Variants in HECW2 observed in about 807,000 individuals in gnomAD.
HECW2 encodes the protein E3 ubiquitin-protein ligase HECW2.
Under a neutral mutation model 175.2 loss-of-function variants are expected in HECW2, and 61 were observed. That is an observed-to-expected ratio of 0.35 (90% CI 0.28 to 0.43). The LOEUF (loss-of-function observed/expected upper bound fraction) is 0.43, where lower values mean the gene tolerates loss of function less well. Ranked by LOEUF, HECW2 falls within the 20% of genes least tolerant of loss-of-function variation. HECW2 has a pLI of 1.00. For synonymous variants in HECW2, 671 were observed against 731.0 expected (o/e 0.92, Z 1.32); for missense variants, 1,524 against 2,000.5 (o/e 0.76, Z 4.54).
chr2:196,575,080 C>CAAAAAAAAAA (rs1164886570), intron 1 of HECW2, among the ~76,000 whole-genome samples: 1 of 29,854 alleles, frequency 3.3e-5, no homozygotes, highest in African/African-American at 1.6e-4. Flanking sequence ...GGCCTTGTCT[C>CAAAAAAAAAA]AAAAAAAAAA....
At chr2:196,206,112 G>C (rs922308783) in intron 28 of HECW2, among the ~76,000 whole-genome samples, 2 of 152,172 alleles carry the variant, frequency 1.3e-5, no homozygotes, top group African/African-American at 4.8e-5. Context: ...GAGGGCCCTG[G>C]ACTGTGTTGA....
At chr2:196,333,720 A>C (rs1403668298) in intron 4 of HECW2, among the ~76,000 whole-genome samples, 2 of 152,214 alleles carry the variant, frequency 1.3e-5, no homozygotes, top group Non-Finnish European at 2.9e-5. Context: ...TTAGATTCTA[A>C]AATAAAATTT....
At chr2:196,543,596 TA>T (rs767527202) in intron 1 of HECW2, among the ~76,000 whole-genome samples, 1 of 152,122 alleles carries the variant, frequency 6.6e-6, no homozygotes, top group Non-Finnish European at 1.5e-5. Context: ...AGGCATGGTT[TA>T]AAAACTTTTC....
At chr2:196,309,385 T>A (rs149761971) in intron 10 of HECW2, among the ~76,000 whole-genome samples, 43 of 152,244 alleles carry the variant, frequency 2.8e-4, no homozygotes, top group African/African-American at 1.0e-3. Flanking sequence ...TGTTCCAAGG[T>A]AACACAGACT....
At chr2:196,422,524 G>A (rs1425313311) in intron 2 of HECW2, among the ~76,000 whole-genome samples, 1 of 151,932 alleles carries the variant, frequency 6.6e-6, no homozygotes, top group African/African-American at 2.4e-5. Context: ...AATAAAGAAG[G>A]TGATGAGCCT....
At chr2:196,446,432 T>A (rs1479145202) in intron 1 of HECW2, among the ~76,000 whole-genome samples, 1 of 152,126 alleles carries the variant, frequency 6.6e-6, no homozygotes, top group African/African-American at 2.4e-5. Flanking sequence ...GTTTATTGCA[T>A]CTCCTCCCCC....
chr2:196,265,771 A>T (rs1689489416), intron 17 of HECW2, among the ~76,000 whole-genome samples: 1 of 152,218 alleles, frequency 6.6e-6, no homozygotes, highest in Admixed American at 6.5e-5. Context: ...ATCTTCAAAA[A>T]GATGCTGGAA....
intron 1 of HECW2, among the ~76,000 whole-genome samples, chr2:196,484,136 T>C (rs928023196): frequency 1.3e-5 from 2 of 152,174 alleles, no homozygotes; most frequent in African/African-American, 4.8e-5. Flanking sequence ...GAAATAATAA[T>C]AGTTGTTGCT....
chr2:196,455,076 C>T (rs1354063701), intron 1 of HECW2, among the ~76,000 whole-genome samples: 4 of 151,546 alleles, frequency 2.6e-5, no homozygotes, highest in Non-Finnish European at 5.9e-5. Context: ...ACTCTGTCAC[C>T]AGGCTGGAGT....
intron 4 of HECW2, chr2:196,331,227 G>C (rs1692346444): frequency 1.0e-6 from 1 of 984,978 alleles, no homozygotes; most frequent in African/African-American, 1.7e-5. Flanking sequence ...CTGGGTCATA[G>C]AGTTGGCTCT....
Position 196,320,345 on chromosome 2 carries a change from G to T in HECW2, c.979C>A (p.His327Asn). The T allele has an allele frequency of 6.3e-7, 1 of 1,596,350 alleles. No homozygotes were observed. Among genetic ancestry groups the T allele is most frequent in the Non-Finnish European group, 8.6e-7 (1 of 1,164,824 alleles). ...QFKVEVTSSV[H>N]EDASPEAVGT... ...AGATATATTTATATCTCACCTTCAT[G>T]AACAGAAGACGTAACCTCCACTTTA... Residue 327 changes from histidine (H) to asparagine (N), a missense_variant, in exon 8 of 29, where the codon CAT becomes AAT. Around this residue, in one of 11 missense-constraint regions of HECW2, gnomAD observed 604 missense variants for 588.3 expected, o/e 1.03. Transcript: ENST00000644978.
intron 1 of HECW2, among the ~76,000 whole-genome samples, chr2:196,479,126 C>T (rs1046304453): frequency 2.0e-5 from 3 of 152,160 alleles, no homozygotes; most frequent in African/African-American, 7.2e-5. Context: ...ACTGCGAGCA[C>T]ATACAAGTTG....
chr2:196,485,253 G>A (rs2125377971), intron 1 of HECW2, among the ~76,000 whole-genome samples: 1 of 152,328 alleles, frequency 6.6e-6, no homozygotes, highest in East Asian at 1.9e-4. Context: ...GTGGCTTAGA[G>A]AAGCTGAGTT....
chr2:196,267,090 G>C (rs970326196), intron 17 of HECW2, among the ~76,000 whole-genome samples: 8 of 152,174 alleles, frequency 5.3e-5, no homozygotes, highest in Admixed American at 3.9e-4. Context: ...AAGCACTCAA[G>C]GAGGAAACAG....
chr2:196,439,607 G>A (rs889406207), intron 1 of HECW2, among the ~76,000 whole-genome samples: 2 of 152,068 alleles, frequency 1.3e-5, no homozygotes, highest in Non-Finnish European at 2.9e-5. Context: ...AGAGCCCACC[G>A]CCCACAAGCC....
intron 1 of HECW2, among the ~76,000 whole-genome samples, chr2:196,549,222 A>G (rs188670268): frequency 1.9e-4 from 29 of 152,364 alleles, no homozygotes; most frequent in African/African-American, 4.6e-4. Flanking sequence ...AAACACATGC[A>G]TAACTGCAAT....
intron 1 of HECW2, among the ~76,000 whole-genome samples, chr2:196,561,213 G>T (rs1689990048): frequency 6.6e-6 from 1 of 152,250 alleles, no homozygotes. Flanking sequence ...CACTCTGGGG[G>T]TGTCTGCCTT....
Position 196,475,971 on chromosome 2 carries a change from C to A in HECW2, c.-35-42513G>T, listed in dbSNP as rs567138277. Among the ~76,000 whole-genome samples the A allele has an allele frequency of 3.2e-4, 48 of 152,338 alleles. 1 individual carries two copies. In the South Asian group the frequency reaches 9.9e-3, roughly 32 times the overall value. On this transcript the variant is annotated intron_variant, in intron 1 of 28. Transcript: ENST00000644978. ...CTTGCACATTTTTCCAGCCTCGGACCCGCTGTGCCTCACCATGTTCATCTA... is the reference window on the plus strand; with the variant it reads ...CTTGCACATTTTTCCAGCCTCGGACACGCTGTGCCTCACCATGTTCATCTA...
chr2:196,257,882 A>T lies in HECW2; in HGVS notation c.3360T>A (p.Thr1120=), dbSNP rs1270581559. The change falls in exon 18 of 29, where the codon ACT becomes ACA. Residue 1120 remains threonine (T), a synonymous_variant. Transcript: ENST00000644978. ...GGCGCACCAATCCTGGAGTCCCTTC[A>T]GTTCGGATAAATTGGATCTTCTCCC... ...SLREKIQFIR[T]EGTPGLVRLS... The T allele has an allele frequency of 2.5e-6, 4 of 1,613,874 alleles. No homozygotes were observed. The highest frequency in any genetic ancestry group is 3.4e-6 in the Non-Finnish European group (4 of 1,179,842).
Sources: gnomAD v4.1 joint callset for allele counts (sites outside exome capture counted in the v4.1 genomes callset) on GRCh38, gnomAD v4.1.1 for gene constraint, gnomAD v4.1.1 regional missense constraint, MANE v1.5 for transcripts, NCBI Gene and HGNC (gene_info 2026-07-23, HGNC 2026-07-21) for gene names.